The following POU3F3 variants were observed in gnomAD, a reference collection of about 807,000 sequenced individuals.
POU3F3 encodes the protein POU class 3 homeobox 3, also known as POU domain, class 3, transcription factor 3.
A neutral mutation model predicts 8.6 loss-of-function variants in POU3F3; 1 was observed. That is an observed-to-expected ratio of 0.12 (90% confidence interval 0.04 to 0.55). POU3F3 has a LOEUF of 0.55. Among genes scored for constraint, POU3F3 ranks in the 20% least tolerant of loss-of-function variants. POU3F3 has a pLI of 0.91. For synonymous variants in POU3F3, 418 were observed against 327.4 expected (o/e 1.28, Z -2.99); for missense variants, 577 against 690.7 (o/e 0.84, Z 1.84).
the POU3F3 span, chr2:104,925,874 G>A: frequency 6.6e-6 from 1 of 152,132 alleles, no homozygotes; most frequent in African/African-American, 2.4e-5. Context: ...CATTTTGGAC[G>A]AGTGTCTTAG....
At chr2:104,895,249 G>T in the POU3F3 span, among the ~76,000 whole-genome samples, 1 of 152,116 alleles carries the variant, frequency 6.6e-6, no homozygotes, top group African/African-American at 2.4e-5. Context: ...AAAACTCAAA[G>T]GGTATTTTTT....
At chr2:104,904,836 G>A in the POU3F3 span, among the ~76,000 whole-genome samples, 56 of 152,228 alleles carry the variant, frequency 3.7e-4, no homozygotes, top group South Asian at 1.2e-3. Flanking sequence ...AGAGAGGGGC[G>A]TGGAGGGGAT....
chr2:104,860,497 T>G (rs1676640988), downstream of POU3F3, among the ~76,000 whole-genome samples: 1 of 152,204 alleles, frequency 6.6e-6, no homozygotes, highest in African/African-American at 2.4e-5. Flanking sequence ...GTCTTGTGCT[T>G]CGTAAAGTGC....
Position 104,855,557 on chromosome 2 carries a change from T to A in POU3F3, c.47T>A (p.Leu16His). ...SNPYLPGNSLLAAGSIVHSDA... is the reference protein window; with the variant it reads ...SNPYLPGNSLHAAGSIVHSDA... Reference sequence around the variant, plus strand: ...CCCTACCTGCCGGGGAACAGCCTGCTCGCGGCCGGCTCTATTGTGCACTCG... The same window carrying A: ...CCCTACCTGCCGGGGAACAGCCTGCACGCGGCCGGCTCTATTGTGCACTCG... Residue 16 changes from leucine (L) to histidine (H), a missense_variant, in exon 1 of 1, where the codon CTC (leucine) becomes CAC (histidine). Coordinates refer to ENST00000361360, the MANE Select transcript of POU3F3 (RefSeq NM_006236.3). 1 of 1,028,058 alleles carries A rather than the reference T, an allele frequency of 9.7e-7. No individual in the cohort carries two copies. Among genetic ancestry groups the A allele is most frequent in the Non-Finnish European group, 1.2e-6 (1 of 860,726 alleles). The allele number at this position is 1,028,058 out of a possible 1,614,324, so 63.7% of individuals were successfully genotyped here.
chr2:104,869,050 C>T, the POU3F3 span, among the ~76,000 whole-genome samples: 1 of 152,162 alleles, frequency 6.6e-6, no homozygotes, highest in Non-Finnish European at 1.5e-5. Context: ...GGTGGTATTA[C>T]CTTAGACACC....
At chr2:104,898,095 C>T in the POU3F3 span, among the ~76,000 whole-genome samples, 1 of 152,080 alleles carries the variant, frequency 6.6e-6, no homozygotes, top group Non-Finnish European at 1.5e-5. Context: ...AGGGTGGAGC[C>T]CTTGTGAGTG....
chr2:104,898,382 T>C, the POU3F3 span, among the ~76,000 whole-genome samples: 2 of 152,214 alleles, frequency 1.3e-5, no homozygotes, highest in Non-Finnish European at 2.9e-5. Flanking sequence ...GGGGATATTA[T>C]TGTTTAGATT....
chr2:104,892,796 T>C, the POU3F3 span, among the ~76,000 whole-genome samples: 1 of 151,662 alleles, frequency 6.6e-6, no homozygotes, highest in Non-Finnish European at 1.5e-5. Flanking sequence ...CTCCTGGGCT[T>C]CAATGATCTT....
At chr2:104,880,703 G>C in the POU3F3 span, among the ~76,000 whole-genome samples, 3 of 152,038 alleles carry the variant, frequency 2.0e-5, no homozygotes, top group African/African-American at 7.2e-5. Flanking sequence ...TGTCCTAAAG[G>C]TCAGGGTGTG....
the POU3F3 span, among the ~76,000 whole-genome samples, chr2:104,919,619 G>A: frequency 2.0e-5 from 3 of 152,164 alleles, no homozygotes; most frequent in African/African-American, 4.8e-5. Context: ...TACTGGTCCT[G>A]TGTTCTATTT....
At chr2:104,885,611 C>A in the POU3F3 span, among the ~76,000 whole-genome samples, 1 of 152,158 alleles carries the variant, frequency 6.6e-6, no homozygotes. Context: ...GCCATGGCAA[C>A]CCAAGGAAGT....
the POU3F3 span, among the ~76,000 whole-genome samples, chr2:104,896,849 A>G: frequency 6.6e-6 from 1 of 152,176 alleles, no homozygotes; most frequent in Admixed American, 6.5e-5. Context: ...TGTTCCCTTC[A>G]TGTGTGGGAT....
Position 104,856,427 on chromosome 2 carries a change from A to G in POU3F3, c.917A>G (p.Asn306Ser), listed in dbSNP as rs1457224844. ...GGGGGAGPGL[N>S]SHDPHSDEDT... Reference sequence around the variant, plus strand: ...GGCGGCGGCGCGGGGCCTGGACTCAACAGCCACGACCCGCACTCGGACGAG... The same window carrying G: ...GGCGGCGGCGCGGGGCCTGGACTCAGCAGCCACGACCCGCACTCGGACGAG... Residue 306 changes from asparagine to serine, a missense_variant, in exon 1 of 1, where the codon AAC becomes AGC. Physicochemically the swap from Asn to Ser is conservative, Grantham distance 46. Coordinates refer to ENST00000361360, the MANE Select transcript of POU3F3 (RefSeq NM_006236.3). The G allele has an allele frequency of 2.5e-6, 4 of 1,607,948 alleles. No homozygotes were observed. The highest frequency in any genetic ancestry group is 3.4e-6 in the Non-Finnish European group (4 of 1,178,074).
the POU3F3 span, among the ~76,000 whole-genome samples, chr2:104,887,806 T>C: frequency 6.6e-6 from 1 of 152,200 alleles, no homozygotes; most frequent in Non-Finnish European, 1.5e-5. Context: ...GATGCGTCCA[T>C]GGTCCATGAA....
At chr2:104,902,911 G>T in the POU3F3 span, among the ~76,000 whole-genome samples, 1 of 152,110 alleles carries the variant, frequency 6.6e-6, no homozygotes, top group Non-Finnish European at 1.5e-5. Flanking sequence ...CAGGGCCTCC[G>T]CTTAATTGCC....
At chr2:104,859,709 C>T (rs1251271294), downstream of POU3F3, among the ~76,000 whole-genome samples, 1 of 152,158 alleles carries the variant, frequency 6.6e-6, no homozygotes, top group African/African-American at 2.4e-5. Context: ...ATTTTAAACA[C>T]CAAATCGTAC....
the POU3F3 span, among the ~76,000 whole-genome samples, chr2:104,916,588 C>T: frequency 6.6e-6 from 1 of 152,154 alleles, no homozygotes. Flanking sequence ...TTGACGTCCC[C>T]CAGCAGGAGG....
the POU3F3 span, among the ~76,000 whole-genome samples, chr2:104,870,316 G>C: frequency 6.6e-6 from 1 of 152,298 alleles, no homozygotes; most frequent in East Asian, 1.9e-4. Context: ...GGGGAGGGGG[G>C]CTCATGGCTT....
chr2:104,869,488 G>C, the POU3F3 span, among the ~76,000 whole-genome samples: 5 of 152,326 alleles, frequency 3.3e-5, no homozygotes, highest in South Asian at 1.0e-3. Context: ...TGGGTCTCCT[G>C]TAAGGTAAGT....
Sources: allele counts gnomAD v4.1 joint callset (sites outside exome capture counted in the v4.1 genomes callset), GRCh38; gene constraint gnomAD v4.1.1; transcripts MANE v1.5; gene names NCBI Gene and HGNC (gene_info 2026-07-23, HGNC 2026-07-21).